Variants in ERI1 observed in about 807,000 individuals in gnomAD.
ERI1 encodes the protein 3'-5' exoribonuclease 1.
A neutral mutation model predicts 39.7 loss-of-function variants in ERI1; 39 were observed. The observed-to-expected ratio is 0.98, with a 90% CI of 0.76 to 1.28. The LOEUF (loss-of-function observed/expected upper bound fraction) is 1.28. ERI1 is among the 50% of genes most tolerant of loss of function. ERI1 has a pLI of 0.00. For missense variants in ERI1, 581 were observed against 416.9 expected (o/e 1.39, Z -3.43); for synonymous variants, 204 against 149.6 (o/e 1.36, Z -2.65).
chr8:9,038,273 C>T (rs1283103190), downstream of ERI1, among the ~76,000 whole-genome samples: 1 of 152,178 alleles, frequency 6.6e-6, no homozygotes, highest in Non-Finnish European at 1.5e-5. Context: ...GTAGTCCCCT[C>T]TTATCCGTGG....
intron 3 of ERI1, among the ~76,000 whole-genome samples, chr8:9,066,499 T>C (rs1453274155): frequency 7.9e-5 from 12 of 152,072 alleles, no homozygotes; most frequent in Admixed American, 7.9e-4. Context: ...ACACTGGCAG[T>C]GATTTGATTT....
intron 6 of ERI1, among the ~76,000 whole-genome samples, chr8:9,025,077 C>T (rs1358150584): frequency 1.3e-5 from 2 of 152,290 alleles, no homozygotes; most frequent in South Asian, 2.1e-4. Context: ...CTCTGGTGTA[C>T]AGTCAGATTG....
downstream of ERI1, among the ~76,000 whole-genome samples, chr8:9,033,518 C>T (rs545718517): frequency 7.9e-5 from 12 of 152,230 alleles, no homozygotes; most frequent in East Asian, 1.7e-3. Context: ...ATATAAGTTC[C>T]ATCAACAAAC....
chr8:9,017,530 C>G (rs191271988), intron 4 of ERI1, among the ~76,000 whole-genome samples: 2 of 152,066 alleles, frequency 1.3e-5, no homozygotes, highest in African/African-American at 2.4e-5. Flanking sequence ...CCTAATAAGT[C>G]AGTGTTTTAT....
intron 2 of ERI1, among the ~76,000 whole-genome samples, chr8:9,009,492 G>T (rs542475540): frequency 2.0e-5 from 3 of 152,300 alleles, no homozygotes; most frequent in Middle Eastern, 3.4e-3. Flanking sequence ...TTCTTCACCT[G>T]TTGTGCAACC....
intron 6 of ERI1, among the ~76,000 whole-genome samples, chr8:9,024,055 C>A (rs751745296): frequency 6.6e-6 from 1 of 151,982 alleles, no homozygotes; most frequent in Non-Finnish European, 1.5e-5. Context: ...ACACCTTGGC[C>A]GTCCAAAGTG....
At position 9,046,513 on chromosome 8, in the gene ERI1, G is replaced by A. The variant is rs112008119; in HGVS notation, n.299+26049G>A. On this transcript the variant is annotated intron_variant and non_coding_transcript_variant, in intron 3 of 3. Coordinates refer to the ERI1 transcript ENST00000518663. Reference sequence around the variant, plus strand: ...CCCTCTCCGGCTAAGGACAGCACAAGTTGGTTTCTGTTACTTGCAATTAAA... The same window carrying A: ...CCCTCTCCGGCTAAGGACAGCACAAATTGGTTTCTGTTACTTGCAATTAAA... Among the ~76,000 whole-genome samples, 397 of 152,282 alleles carry A rather than the reference G, an allele frequency of 2.6e-3. 1 individual carries two copies. The highest frequency in any genetic ancestry group is 9.1e-3 in the African/African-American group (376 of 41,540).
At chr8:9,024,056 G>A (rs570942189) in intron 6 of ERI1, among the ~76,000 whole-genome samples, 7 of 152,120 alleles carry the variant, frequency 4.6e-5, no homozygotes, top group South Asian at 2.1e-4. Flanking sequence ...CACCTTGGCC[G>A]TCCAAAGTGC....
chr8:9,033,578 G>A (rs201294137), downstream of ERI1, among the ~76,000 whole-genome samples: 1 of 122,014 alleles, frequency 8.2e-6, no homozygotes, highest in East Asian at 2.3e-4. Context: ...AAGGTACAAT[G>A]ATACTTGCAT....
chr8:9,099,181 C>T (rs949747426), intron 3 of ERI1, among the ~76,000 whole-genome samples: 2 of 152,092 alleles, frequency 1.3e-5, no homozygotes, highest in Non-Finnish European at 2.9e-5. Flanking sequence ...AAAACCATCA[C>T]CAGGATATGA....
At chr8:9,089,342 TGG>T (rs1468285523) in intron 3 of ERI1, among the ~76,000 whole-genome samples, 4 of 152,212 alleles carry the variant, frequency 2.6e-5, no homozygotes, top group Non-Finnish European at 4.4e-5. Flanking sequence ...TGGCTTCAAG[TGG>T]GCTTCCTGCC....
At chr8:9,081,686 T>TATTG (rs1413433102) in intron 3 of ERI1, among the ~76,000 whole-genome samples, 4 of 102,846 alleles carry the variant, frequency 3.9e-5, no homozygotes, top group Non-Finnish European at 6.2e-5. Flanking sequence ...CTTCTTTTGT[T>TATTG]TTTGTTTTTT....
rs1466114477 is a variant in ERI1, at chr8:9,031,403, CAG to C, written c.*1371_*1372del. On this transcript the variant is annotated 3_prime_UTR_variant, in exon 7 of 7. Coordinates refer to ENST00000250263, the MANE Select transcript of ERI1 (RefSeq NM_153332.4). ...ATCATAAAGAATAATGTGTAAATAA[CAG>C]AAGGCATATGAGAGTGTGGTGTTCC... 6.6e-6 allele frequency: 1 copy of C among 152,134 alleles called. No individual in the cohort carries two copies. The highest frequency in any genetic ancestry group is 2.4e-5 in the African/African-American group (1 of 41,430). The allele number at this position is 152,134 out of a possible 1,614,324, so 9.4% of individuals were successfully genotyped here.
At chr8:9,083,954 C>T (rs1005255346) in intron 3 of ERI1, among the ~76,000 whole-genome samples, 7 of 152,040 alleles carry the variant, frequency 4.6e-5, no homozygotes, top group South Asian at 2.1e-4. Flanking sequence ...CCACCATGCC[C>T]GGCTAATTTT....
chr8:9,017,307 G>C (rs1817409505), intron 4 of ERI1, among the ~76,000 whole-genome samples: 1 of 152,006 alleles, frequency 6.6e-6, no homozygotes, highest in South Asian at 2.1e-4. Context: ...AAAAGTGTTG[G>C]GATTACGGGC....
intron 3 of ERI1, among the ~76,000 whole-genome samples, chr8:9,046,822 G>A (rs1798187465): frequency 6.6e-6 from 1 of 152,154 alleles, no homozygotes; most frequent in Non-Finnish European, 1.5e-5. Flanking sequence ...CACAAGCAGG[G>A]CCCACATCGG....
chr8:9,087,428 TTTTTTTTG>T (rs1313480323), intron 3 of ERI1, among the ~76,000 whole-genome samples: 2 of 48,602 alleles, frequency 4.1e-5, no homozygotes, highest in East Asian at 5.9e-4. Flanking sequence ...TTTTTTTTTT[TTTTTTTTG>T]ATTTTTAGTA....
intron 3 of ERI1, among the ~76,000 whole-genome samples, chr8:9,083,393 C>G (rs572055207): frequency 1.4e-4 from 21 of 152,206 alleles, no homozygotes; most frequent in South Asian, 6.2e-4. Flanking sequence ...ATCTAGGGGT[C>G]AAAAATTGAT....
chr8:9,022,158 G>T (rs1817978320), intron 6 of ERI1, among the ~76,000 whole-genome samples: 1 of 152,086 alleles, frequency 6.6e-6, no homozygotes. Context: ...GCTAGCATCT[G>T]ATATTGTCAT....
Sources: allele counts gnomAD v4.1 joint callset (sites outside exome capture counted in the v4.1 genomes callset), GRCh38; gene constraint gnomAD v4.1.1; transcripts MANE v1.5; gene names NCBI Gene and HGNC (gene_info 2026-07-23, HGNC 2026-07-21).